REPS1: variants seen among roughly 807,000 people sequenced by gnomAD.
REPS1 encodes ralBP1-associated Eps domain-containing protein 1.
A neutral mutation model predicts 100.9 loss-of-function variants in REPS1; 39 were observed. That is an observed-to-expected ratio of 0.39 (90% CI 0.30 to 0.50). The LOEUF (loss-of-function observed/expected upper bound fraction) is 0.50, where lower values mean the gene tolerates loss of function less well. Ranked by LOEUF, REPS1 falls within the 20% of genes least tolerant of loss-of-function variation. The probability of loss-of-function intolerance (pLI) is 0.86; values close to 1 mark genes in which losing one functional copy is unlikely to be tolerated. For synonymous variants in REPS1, 324 were observed against 340.3 expected, an observed-to-expected ratio of 0.95 and a Z score of 0.53; for missense variants, 821 against 968.5, an observed-to-expected ratio of 0.85 and a Z score of 2.02.
At position 138,950,802 on chromosome 6, in the gene REPS1, A is replaced by AT. The variant is rs375525250; in HGVS notation, c.154-2890dup. 6.4e-3 allele frequency among the ~76,000 whole-genome samples: 974 copies of AT among 152,282 alleles called. 5 individuals are homozygous for AT. The highest frequency in any genetic ancestry group is 9.9e-3 in the Admixed American group (152 of 15,302). ...GAGATTTTACTTGGGGCAGCAACTG[A>AT]TTTATGGTCTTGTTCCAAACTTTAA... On this transcript the variant is annotated intron_variant, in intron 1 of 19. Transcript: ENST00000450536.
At chr6:138,977,120 T>C (rs1436526389) in intron 1 of REPS1, among the ~76,000 whole-genome samples, 1 of 152,236 alleles carries the variant, frequency 6.6e-6, no homozygotes, top group East Asian at 1.9e-4. Context: ...GTACAATTCA[T>C]TGAGTTTTAA....
At chr6:138,919,524 C>A (rs1010692100) in intron 12 of REPS1, among the ~76,000 whole-genome samples, 2 of 152,232 alleles carry the variant, frequency 1.3e-5, no homozygotes, top group Admixed American at 1.3e-4. Flanking sequence ...CCACTGCTAC[C>A]TTTCCCTGCC....
At chr6:138,941,288 A>G in intron 8 of REPS1, 47 bp downstream of exon 8, 1 of 1,590,756 alleles carries the variant, frequency 6.3e-7, no homozygotes, top group South Asian at 1.1e-5. Flanking sequence ...ATCAAGCATT[A>G]TGTTTATCAA....
At position 138,955,461 on chromosome 6, in the gene REPS1, T is replaced by A. The variant is rs866719933; in HGVS notation, c.154-7548A>T. On this transcript the variant is annotated intron_variant, in intron 1 of 19. Transcript: ENST00000450536. ...TCTTTAAAAAAAAAAAAAAAAAGTG[T>A]GTGTGTGTGTGTGTGTGTGTGTGTG... Among the ~76,000 whole-genome samples, 681 of 137,310 alleles carry A rather than the reference T, an allele frequency of 5.0e-3. 6 individuals carry two copies. Among genetic ancestry groups the A allele is most frequent in the Non-Finnish European group, 6.5e-3 (417 of 64,088 alleles). 90.1% of individuals were successfully genotyped at this position (137,310 alleles called of 152,430 possible).
At chr6:138,964,096 G>C (rs908169515) in intron 1 of REPS1, among the ~76,000 whole-genome samples, 5 of 151,826 alleles carry the variant, frequency 3.3e-5, no homozygotes, top group Non-Finnish European at 5.9e-5. Context: ...TCATTGCTTT[G>C]CTTACACAAC....
At position 138,971,097 on chromosome 6, in the gene REPS1, A is replaced by G. The variant is rs765782052; in HGVS notation, c.153+16433T>C. On this transcript the variant is annotated intron_variant, in intron 1 of 19. Coordinates refer to ENST00000450536, the MANE Select transcript of REPS1 (RefSeq NM_001286611.2). ...AGAATCAAATCTTAGAGGGAAATGT[A>G]CTTAGGGAAGTAAAAGATTTCTCTC... Among the ~76,000 whole-genome samples, 9 of 152,246 alleles carry G rather than the reference A, an allele frequency of 5.9e-5. No homozygotes were observed. In the East Asian group the frequency reaches 1.5e-3, roughly 26 times the overall value.
intron 1 of REPS1, among the ~76,000 whole-genome samples, chr6:138,962,060 T>G (rs1032735980): frequency 2.6e-5 from 4 of 152,194 alleles, no homozygotes; most frequent in Non-Finnish European, 4.4e-5. Context: ...CAAGTGCTAG[T>G]GTGGAGTCAA....
At chr6:138,967,404 T>A (rs1784085378) in intron 1 of REPS1, among the ~76,000 whole-genome samples, 1 of 152,168 alleles carries the variant, frequency 6.6e-6, no homozygotes, top group African/African-American at 2.4e-5. Context: ...TTAAATATGA[T>A]TATGAAATCA....
chr6:138,950,006 G>T (rs1407754379), intron 1 of REPS1, among the ~76,000 whole-genome samples: 2 of 152,132 alleles, frequency 1.3e-5, no homozygotes, highest in Admixed American at 6.5e-5. Flanking sequence ...TTTTATACAA[G>T]CTTGTCATTT....
chr6:138,975,767 G>A (rs918801733), intron 1 of REPS1, among the ~76,000 whole-genome samples: 2 of 152,154 alleles, frequency 1.3e-5, no homozygotes, highest in South Asian at 2.1e-4. Flanking sequence ...CTGGGAGGCA[G>A]AGGGTGCAGT....
At chr6:138,944,454 CTGAA>C (rs1309505623) in intron 5 of REPS1, 40 bp downstream of exon 5, 2 of 1,594,716 alleles carry the variant, frequency 1.3e-6, no homozygotes, top group African/African-American at 1.3e-5. Context: ...GAGCAATACT[CTGAA>C]TGAAGCAAAT....
rs1425941109 is a variant in REPS1 at position 138,971,743 on chromosome 6, A to C, written c.153+15787T>G. Among the ~76,000 whole-genome samples, 3 of 152,246 alleles carry C rather than the reference A, an allele frequency of 2.0e-5. No homozygotes were observed. The South Asian group carries it at 6.2e-4, about 32-fold the overall frequency. On this transcript the variant is annotated intron_variant, in intron 1 of 19. Coordinates refer to ENST00000450536, the MANE Select transcript of REPS1 (RefSeq NM_001286611.2). ...GCCTCCTTCTCTTCTCATGCCCAGA[A>C]TGTTGATTGGGGTGGGGAGAGAGTA...
At chr6:138,965,189 T>C (rs534431399) in intron 1 of REPS1, among the ~76,000 whole-genome samples, 11 of 152,136 alleles carry the variant, frequency 7.2e-5, no homozygotes, top group Non-Finnish European at 1.5e-4. Context: ...CTCACTGTCA[T>C]TGTTATCTAA....
chr6:138,941,205 A>C (rs943134045), intron 8 of REPS1, 130 bp downstream of exon 8: 2 of 991,646 alleles, frequency 2.0e-6, no homozygotes, highest in Non-Finnish European at 3.0e-6. Context: ...TCTGATGACA[A>C]ATCTATGTAC....
At chr6:138,926,370 C>T (rs368708664) in intron 10 of REPS1, 31 bp downstream of exon 10, 138 of 1,507,740 alleles carry the variant, frequency 9.2e-5, no homozygotes, top group Non-Finnish European at 1.2e-4. Context: ...TAAAATTAAT[C>T]TCAAACAAGC....
rs1049948134 is a variant in REPS1, at chr6:138,955,982, T to C, written c.154-8069A>G. Among the ~76,000 whole-genome samples the C allele has an allele frequency of 5.3e-4, 80 of 152,222 alleles. 2 individuals carry two copies. Among genetic ancestry groups the C allele is most frequent in the Non-Finnish European group, 1.5e-5 (1 of 68,048 alleles). On this transcript the variant is annotated intron_variant, in intron 1 of 19. Coordinates refer to ENST00000450536, the MANE Select transcript of REPS1 (RefSeq NM_001286611.2). Reference sequence around the variant, plus strand: ...ACTACCCTGATCATAGTGGACTTTATATAGTTAGAGACTTCAGAGACTAAG... The same window carrying C: ...ACTACCCTGATCATAGTGGACTTTACATAGTTAGAGACTTCAGAGACTAAG...
chr6:138,956,237 A>G (rs924206732), intron 1 of REPS1, among the ~76,000 whole-genome samples: 6 of 152,144 alleles, frequency 3.9e-5, no homozygotes, highest in African/African-American at 1.4e-4. Flanking sequence ...GTTAGCTGAC[A>G]GAAAATTTCA....
intron 1 of REPS1, among the ~76,000 whole-genome samples, chr6:138,954,502 TAA>T (rs34061496): frequency 1.3e-4 from 17 of 134,634 alleles, no homozygotes; most frequent in Non-Finnish European, 1.8e-4. Context: ...ATGATGAGCT[TAA>T]AAAAAAAAAA....
rs1785379765 is a variant in REPS1 at position 138,987,986 on chromosome 6, C to T, written c.-304G>A. 1.5e-5 allele frequency: 6 copies of T among 391,930 alleles called. No individual in the cohort carries two copies. The highest frequency in any genetic ancestry group is 8.9e-5 in the Admixed American group (2 of 22,476). 24.3% of individuals were successfully genotyped at this position (391,930 alleles called of 1,614,324 possible). ...CGCGGGGAGGGTGCAGAGAAAGAGG[C>T]GGGGGCCGCGGAGGCGCGAGGCACT... On this transcript the variant is annotated 5_prime_UTR_variant, in exon 1 of 20. Coordinates refer to ENST00000450536, the MANE Select transcript of REPS1 (RefSeq NM_001286611.2).
Sources: allele counts gnomAD v4.1 joint callset (sites outside exome capture counted in the v4.1 genomes callset), GRCh38; gene constraint gnomAD v4.1.1; transcripts MANE v1.5; gene names NCBI Gene and HGNC (gene_info 2026-07-23, HGNC 2026-07-21).